Variants in BCOR observed in about 807,000 individuals in gnomAD.
BCOR encodes the protein BCL6 corepressor.
Under a neutral mutation model 86.7 loss-of-function variants are expected in BCOR, and 10 were observed. The ratio of observed to expected loss-of-function variants is 0.12; its 90% CI spans 0.07 to 0.20. The LOEUF (loss-of-function observed/expected upper bound fraction) is 0.20. BCOR is among the 10% of genes least tolerant of loss of function. The pLI is 1.00. For missense variants in BCOR, 1,259 were observed against 1,452.1 expected (o/e 0.87, Z 2.16); for synonymous variants, 611 against 609.0 (o/e 1.00, Z -0.05).
At position 40,073,088 on chromosome X, in the gene BCOR, G is replaced by A. The variant is rs770031190; in HGVS notation, c.2258C>T (p.Ala753Val). The A allele has an allele frequency of 1.7e-6, 2 of 1,211,862 alleles. No individual in the cohort carries two copies. Among genetic ancestry groups the A allele is most frequent in the African/African-American group, 3.5e-5 (2 of 57,803 alleles). Reference sequence around the variant, plus strand: ...CCGGAGGGTTGGGTCCTCGTAACGGGCTCTCTCATGGGACCGGGATCTCCT... The same window carrying A: ...CCGGAGGGTTGGGTCCTCGTAACGGACTCTCTCATGGGACCGGGATCTCCT... The part of the protein sequence containing the change: ...PERRSRSHER[A>V]RYEDPTLRNR... Residue 753 changes from alanine to valine, a missense_variant, in exon 4 of 15, where the codon GCC becomes GTC. This residue lies in a region of BCOR where 534 missense variants were observed against 594.8 expected (regional missense o/e 0.90). Transcript: ENST00000378444.
At chrX:40,080,815 CGTGTGT>C (rs533981374) in intron 1 of BCOR, among the ~76,000 whole-genome samples, 28,362 of 65,439 alleles carry the variant, frequency 0.43, 7,191 homozygotes, top group Admixed American at 0.59. Context: ...GGTTCACTGT[CGTGTGT>C]GTGTGTGTGT....
chrX:40,069,073 C>T (rs923989873), intron 6 of BCOR, among the ~76,000 whole-genome samples: 2 of 112,581 alleles, frequency 1.8e-5, no homozygotes, highest in African/African-American at 3.2e-5. Context: ...CATGAAGAGA[C>T]GTGATGGCCG....
intron 1 of BCOR, among the ~76,000 whole-genome samples, chrX:40,092,481 G>A (rs1230088911): frequency 9.1e-6 from 1 of 110,141 alleles, no homozygotes; most frequent in Non-Finnish European, 1.9e-5. Flanking sequence ...AAAAAGAAAA[G>A]AAAGAAAGCA....
At chrX:40,090,675 G>A (rs1370322686) in intron 1 of BCOR, among the ~76,000 whole-genome samples, 1 of 112,565 alleles carries the variant, frequency 8.9e-6, no homozygotes, top group Non-Finnish European at 1.9e-5. Context: ...CAGCGCCAAC[G>A]GTCCTGGCCT....
chrX:40,104,710 C>T (rs1036954429), intron 1 of BCOR, among the ~76,000 whole-genome samples: 18 of 112,817 alleles, frequency 1.6e-4, no homozygotes, highest in African/African-American at 5.5e-4. Flanking sequence ...AAGGTTGGGG[C>T]CTGCCGCGGA....
chrX:40,070,221 G>C (rs771053798), intron 6 of BCOR, among the ~76,000 whole-genome samples: 1 of 111,920 alleles, frequency 8.9e-6, no homozygotes, highest in East Asian at 2.8e-4. Flanking sequence ...CCTTCGCCCA[G>C]TGAGGTTTCT....
chrX:40,115,776 CAA>C (rs745934686), intron 1 of BCOR, among the ~76,000 whole-genome samples: 25 of 51,065 alleles, frequency 4.9e-4, no homozygotes, highest in Admixed American at 7.1e-4. Flanking sequence ...GACTGTGTCT[CAA>C]AAAAAAAAAA....
chrX:40,067,559 T>C (rs1442442419), intron 6 of BCOR, among the ~76,000 whole-genome samples: 1 of 112,401 alleles, frequency 8.9e-6, no homozygotes, highest in African/African-American at 3.2e-5. Context: ...TGGGGTTCAC[T>C]GCAATCATGC....
chrX:40,064,112 G>C (rs1935054857), intron 7 of BCOR, among the ~76,000 whole-genome samples, 160 bp from the exon 8 acceptor site: 1 of 110,514 alleles, frequency 9.0e-6, no homozygotes, highest in Admixed American at 9.5e-5. Flanking sequence ...CTGGCTTTGG[G>C]GGAGGGGAGG....
chrX:40,132,843 C>G (rs750741121), intron 1 of BCOR, among the ~76,000 whole-genome samples: 2 of 112,499 alleles, frequency 1.8e-5, no homozygotes, highest in South Asian at 7.3e-4. Context: ...AGTTTCCAAA[C>G]CTGGCTGTGC....
At chrX:40,064,076 C>T in intron 7 of BCOR, 124 bp from the exon 8 acceptor site, 1 of 644,258 alleles carries the variant, frequency 1.6e-6, no homozygotes, top group Non-Finnish European at 2.3e-6. Context: ...TGGGAAGGGG[C>T]CTAATCATCT....
chrX:40,091,904 C>A (rs1488079178), intron 1 of BCOR, among the ~76,000 whole-genome samples: 1 of 112,546 alleles, frequency 8.9e-6, no homozygotes, highest in Non-Finnish European at 1.9e-5. Flanking sequence ...GCGAGGCCCC[C>A]ACCGGGCCCG....
upstream of BCOR, among the ~76,000 whole-genome samples, chrX:40,099,417 G>C (rs1937029065): frequency 8.9e-6 from 1 of 111,857 alleles, no homozygotes; most frequent in African/African-American, 3.3e-5. Context: ...ACCCCATTCG[G>C]CTGCCCACTA....
chrX:40,175,973 G>T lies in BCOR; in HGVS notation c.-41+1034C>A, dbSNP rs1479958147. Among the ~76,000 whole-genome samples, 6 of 112,868 alleles carry T rather than the reference G, an allele frequency of 5.3e-5. No individual in the cohort carries two copies. The East Asian group carries it at 1.7e-3, about 32-fold the overall frequency. On this transcript the variant is annotated intron_variant, in intron 1 of 14. Transcript: ENST00000342274. ...TCGGACCTGAACCTCGTGGACTACG[G>T]GAGGGAGAGTACATTTCGGGCCACT...
chrX:40,152,007 CGCTGCGCCG>C (rs2147989116), intron 1 of BCOR, among the ~76,000 whole-genome samples: 1 of 111,818 alleles, frequency 8.9e-6, no homozygotes, highest in Non-Finnish European at 1.9e-5. Flanking sequence ...TCTAAGGCAG[CGCTGCGCCG>C]ACGAGAAGGC....
chrX:40,068,226 C>T (rs754887505), intron 6 of BCOR: 118 of 112,254 alleles, frequency 1.1e-3, no homozygotes, highest in Non-Finnish European at 1.9e-3. Context: ...ACTGTTATAA[C>T]CACGCCCAGT....
intron 1 of BCOR, among the ~76,000 whole-genome samples, chrX:40,147,666 A>T (rs1386086866): frequency 1.8e-5 from 2 of 113,400 alleles, no homozygotes; most frequent in East Asian, 5.5e-4. Flanking sequence ...CGAGAAGCTG[A>T]CAGCAAGACA....
chrX:40,109,377 T>G, intron 1 of BCOR, among the ~76,000 whole-genome samples: 1 of 109,095 alleles, frequency 9.2e-6, no homozygotes, highest in Non-Finnish European at 1.9e-5. Context: ...GCAAGCGGAG[T>G]CTTGCTTGCG....
chrX:40,085,581 G>C (rs763775858), intron 1 of BCOR, among the ~76,000 whole-genome samples: 1 of 111,454 alleles, frequency 9.0e-6, no homozygotes, highest in Admixed American at 9.5e-5. Flanking sequence ...ACTTAGGGAG[G>C]GGAGGTGCTG....
Sources: allele counts gnomAD v4.1 joint callset (sites outside exome capture counted in the v4.1 genomes callset), GRCh38; gene constraint gnomAD v4.1.1; regional missense constraint gnomAD v4.1.1; transcripts MANE v1.5; gene names NCBI Gene and HGNC (gene_info 2026-07-23, HGNC 2026-07-21).